The following NPVF variants were observed in gnomAD, a reference collection of about 807,000 sequenced individuals.
The protein encoded by NPVF is pro-FMRFamide-related neuropeptide VF.
NPVF carries 17 observed loss-of-function variants against 15.7 expected under a neutral mutation model. The observed-to-expected ratio is 1.08, with a 90% CI of 0.74 to 1.62. The LOEUF (loss-of-function observed/expected upper bound fraction) is 1.62. Among genes scored for constraint, NPVF ranks in the 40% most tolerant of loss-of-function variants. The pLI, the probability that NPVF is intolerant of heterozygous loss-of-function variation, is 0.00. For missense variants in NPVF, 270 were observed against 225.2 expected (o/e 1.20, Z -1.27); for synonymous variants, 70 against 80.1 (o/e 0.87, Z 0.67).
chr7:25,226,839 G>A lies in NPVF; in HGVS notation c.326C>T (p.Pro109Leu), dbSNP rs576519092. The A allele has an allele frequency of 6.2e-7, 1 of 1,614,146 alleles. No individual in the cohort carries two copies. The highest frequency in any genetic ancestry group is 1.7e-5 in the Admixed American group (1 of 60,016). ...CTCCATATTTCTTCCAGATCTCAGA[G>A]GCAGGTTGGCTGTTGCTCCAGCACT... ...ERSAGATANL[P>L]LRSGRNMEVS... The change falls in exon 2 of 3, where the codon CCT becomes CTT. Residue 109 changes from proline (P) to leucine (L), a missense_variant. Physicochemically the swap from Pro to Leu is moderately conservative, Grantham distance 98 (BLOSUM62 -3). Coordinates refer to ENST00000222674, the MANE Select transcript of NPVF (RefSeq NM_022150.3).
At chr7:25,226,553 T>C (rs752114464) in intron 2 of NPVF, 73 bp downstream of exon 2, 21 of 1,488,744 alleles carry the variant, frequency 1.4e-5, no homozygotes, top group Non-Finnish European at 1.9e-5. Flanking sequence ...TGAAAAGATG[T>C]AGTCATTTTT....
chr7:25,225,735 C>T (rs1287274608), intron 2 of NPVF, among the ~76,000 whole-genome samples: 1 of 152,144 alleles, frequency 6.6e-6, no homozygotes, highest in South Asian at 2.1e-4. Context: ...TTTTCTGACC[C>T]TCTGCAGGAC....
At position 25,224,854 on chromosome 7, in the gene NPVF, T is replaced by C. The variant is rs531321971; in HGVS notation, c.*268A>G. ...TTATATAGGGTAGTGAGGAGGGTCC[T>C]CTGTCTCTCTCTCCATTATCAGAGA... On this transcript the variant is annotated 3_prime_UTR_variant, in exon 3 of 3. Transcript: ENST00000222674. 3 of 419,208 alleles carry C rather than the reference T, an allele frequency of 7.2e-6. No individual in the cohort carries two copies. The highest frequency in any genetic ancestry group is 2.1e-5 in the African/African-American group (1 of 48,254). 26.0% of individuals were successfully genotyped at this position (419,208 alleles called of 1,614,324 possible).
chr7:25,228,287 A>T lies in NPVF; in HGVS notation c.138+15T>A, dbSNP rs1187738661. 1.4e-6 allele frequency: 2 copies of T among 1,417,218 alleles called. No homozygotes were observed. The highest frequency in any genetic ancestry group is 2.3e-5 in the South Asian group (2 of 85,250). The allele number at this position is 1,417,218 out of a possible 1,614,324, so 87.8% of individuals were successfully genotyped here. A position where few individuals can be genotyped will look rare whatever the true frequency, so the allele number is the denominator to read the frequency against. On this transcript the variant is annotated intron_variant, in intron 1 of 2. Transcript: ENST00000222674. ...AATTAATGCTACTCACATTAGAGAG[A>T]TTTAAAAAACTTACCTCAGAATATT... is the stretch of plus-strand genomic sequence containing the variant.
chr7:25,228,084 A>C (rs1783153412), intron 1 of NPVF, among the ~76,000 whole-genome samples: 1 of 152,208 alleles, frequency 6.6e-6, no homozygotes, highest in Admixed American at 6.5e-5. Flanking sequence ...CTTGCTAAGT[A>C]CCATACTCAC....
At chr7:25,225,490 C>G (rs534368336) in intron 2 of NPVF, among the ~76,000 whole-genome samples, 11 of 152,320 alleles carry the variant, frequency 7.2e-5, no homozygotes, top group African/African-American at 2.6e-4. Flanking sequence ...GAATGACGCC[C>G]CAAGTCCTTG....
chr7:25,225,545 C>T (rs556774687), intron 2 of NPVF, among the ~76,000 whole-genome samples: 1 of 152,340 alleles, frequency 6.6e-6, no homozygotes, highest in Admixed American at 6.5e-5. Context: ...CTCTAACGGT[C>T]TAGACTTCTT....
In NPVF at chr7:25,228,343, A is replaced by G. The variant is rs1361941185; in HGVS notation, c.97T>C (p.Ser33Pro). 1.3e-6 allele frequency: 2 copies of G among 1,534,846 alleles called. No individual in the cohort carries two copies. The highest frequency in any genetic ancestry group is 1.8e-6 in the Non-Finnish European group (2 of 1,109,256). The change falls in exon 1 of 3, where the codon TCC becomes CCC. Residue 33 changes from serine to proline, a missense_variant. Physicochemically the swap from Ser to Pro is moderately conservative, Grantham distance 74. Coordinates refer to ENST00000222674, the MANE Select transcript of NPVF (RefSeq NM_022150.3). ...TAATTTTCTTTGCTGTGAAGATTGG[A>G]CATCACTAATTCATCTGCACAAAAA... ...NIFCADELVM[S>P]NLHSKENYDK...
chr7:25,228,194 A>G, intron 1 of NPVF, 108 bp downstream of exon 1: 1 of 800,064 alleles, frequency 1.2e-6, no homozygotes, highest in Non-Finnish European at 2.0e-6. Flanking sequence ...TTTCACAAAA[A>G]AACAGAGTAC....
chr7:25,226,321 G>A (rs1783127907), intron 2 of NPVF, among the ~76,000 whole-genome samples: 1 of 152,192 alleles, frequency 6.6e-6, no homozygotes. Flanking sequence ...GAGAGGTCCA[G>A]CGTTTAGACA....
Position 25,227,004 on chromosome 7 carries a change from T to C in NPVF, c.161A>G (p.Glu54Gly), listed in dbSNP as rs780370589. ...TAATTCCTCAAAATTGAGGCTTCTT[T>C]CCCCTTTTGGGTATCCTCTAGGCTA... Reference protein sequence around the residue: ...YSEPRGYPKGERSLNFEELKD... With the variant: ...YSEPRGYPKGGRSLNFEELKD... The change falls in exon 2 of 3, where the codon GAA becomes GGA. Residue 54 changes from glutamate to glycine, a missense_variant. By Grantham distance (98) the Glu-to-Gly change is moderately conservative. Coordinates refer to ENST00000222674, the MANE Select transcript of NPVF (RefSeq NM_022150.3). 24 of 1,613,202 alleles carry C rather than the reference T, an allele frequency of 1.5e-5. No homozygotes were observed. The Admixed American group carries it at 4.0e-4, about 27-fold the overall frequency.
In NPVF at chr7:25,226,685, T is replaced by C. The variant is rs1783133562; in HGVS notation, c.480A>G (p.Leu160=). Residue 160 remains leucine (L), a synonymous_variant, in exon 2 of 3, where the codon TTA becomes TTG. Coordinates refer to ENST00000222674, the MANE Select transcript of NPVF (RefSeq NM_022150.3). ...GGTGCTGGCAGGTCATGGAGTAAAA[T>C]AAGTCATTGGCACATGGTGAATGCA... ...GSMHSPCAND[L]FYSMTCQHQE... 6.2e-7 allele frequency: 1 copy of C among 1,614,186 alleles called. No individual in the cohort carries two copies. The highest frequency in any genetic ancestry group is 8.5e-7 in the Non-Finnish European group (1 of 1,180,022).
intron 2 of NPVF, 23 bp downstream of exon 2, chr7:25,226,603 T>C: frequency 1.9e-6 from 3 of 1,607,150 alleles, no homozygotes; most frequent in Non-Finnish European, 2.6e-6. Flanking sequence ...CCCATGCACT[T>C]TGACTGGTTT....
In NPVF at chr7:25,225,011, G is replaced by T. The variant is rs113811642; in HGVS notation, c.*111C>A. ...GCTGTACTGACAAGGAAAAATTGCC[G>T]TTGATGATCCATAGCTGATGAAGTG... On this transcript the variant is annotated 3_prime_UTR_variant, in exon 3 of 3. Coordinates refer to ENST00000222674, the MANE Select transcript of NPVF (RefSeq NM_022150.3). 5.2e-4 allele frequency: 433 copies of T among 832,526 alleles called. 2 individuals carry two copies. In the African/African-American group the frequency reaches 6.4e-3, roughly 12 times the overall value. 51.6% of individuals were successfully genotyped at this position (832,526 alleles called of 1,614,324 possible). A position where few individuals can be genotyped will look rare whatever the true frequency, so the allele number is the denominator to read the frequency against.
chr7:25,227,217 T>C (rs1383521246), intron 1 of NPVF, among the ~76,000 whole-genome samples, 191 bp from the exon 2 acceptor site: 1 of 152,218 alleles, frequency 6.6e-6, no homozygotes, highest in African/African-American at 2.4e-5. Context: ...TCTCTGTCCC[T>C]AGACTATTGT....
chr7:25,226,556 T>C, intron 2 of NPVF, 70 bp downstream of exon 2: 1 of 1,505,914 alleles, frequency 6.6e-7, no homozygotes, highest in Admixed American at 2.0e-5. Flanking sequence ...AAAGATGTAG[T>C]CATTTTTAAA....
In NPVF at chr7:25,228,464, T is replaced by C. The variant is rs1468209634; in HGVS notation, c.-25A>G. On this transcript the variant is annotated 5_prime_UTR_variant, in exon 1 of 3. Transcript: ENST00000222674. ...TTTTGTCTAAATCTAAAATTAAGTC[T>C]CTATGTGCAGCCCAATGTTTATGAG... 1 of 1,557,952 alleles carries C rather than the reference T, an allele frequency of 6.4e-7. No homozygotes were observed. Among genetic ancestry groups the C allele is most frequent in the Non-Finnish European group, 8.8e-7 (1 of 1,138,314 alleles).
Position 25,226,751 on chromosome 7 carries a change from T to C in NPVF, c.414A>G (p.Lys138=), listed in dbSNP as rs1783134383. 1 of 1,614,172 alleles carries C rather than the reference T, an allele frequency of 6.2e-7. No homozygotes were observed. Among genetic ancestry groups the C allele is most frequent in the Non-Finnish European group, 8.5e-7 (1 of 1,180,028 alleles). The stretch of plus-strand genomic sequence containing the variant: ...AATCACTCAGCATCCTGCAGACACT[T>C]TTGGCTGTTGTTGTTCTCCCAAACC... ...PQRFGRTTTA[K]SVCRMLSDLC... Residue 138 remains lysine, a synonymous_variant, in exon 2 of 3, where the codon AAA becomes AAG. Transcript: ENST00000222674.
chr7:25,227,527 G>T (rs902387630), intron 1 of NPVF, among the ~76,000 whole-genome samples: 1 of 152,198 alleles, frequency 6.6e-6, no homozygotes, highest in African/African-American at 2.4e-5. Context: ...AGAAGGCCCA[G>T]TGGATTTCTT....
Sources: allele counts gnomAD v4.1 joint callset (sites outside exome capture counted in the v4.1 genomes callset), GRCh38; gene constraint gnomAD v4.1.1; transcripts MANE v1.5; gene names NCBI Gene and HGNC (gene_info 2026-07-23, HGNC 2026-07-21).